MOBP: variants seen among roughly 807,000 people sequenced by gnomAD.
MOBP encodes myelin associated oligodendrocyte basic protein.
MOBP carries 5 observed loss-of-function variants against 15.0 expected under a neutral mutation model. That is an observed-to-expected ratio of 0.33 (90% CI 0.17 to 0.70). MOBP has a LOEUF of 0.70. MOBP is among the 30% of genes least tolerant of loss of function. The pLI, the probability that MOBP is intolerant of heterozygous loss-of-function variation, is 0.67. For synonymous variants in MOBP, 88 were observed against 99.0 expected (o/e 0.89, Z 0.66); for missense variants, 188 against 257.8 (o/e 0.73, Z 1.85).
chr3:39,486,848 T>C (rs2042717490), intron 2 of MOBP, among the ~76,000 whole-genome samples: 1 of 152,186 alleles, frequency 6.6e-6, no homozygotes, highest in East Asian at 1.9e-4. Flanking sequence ...ATAGGAATTA[T>C]TTGTATATTA....
chr3:39,502,977 T>C lies in MOBP; in HGVS notation c.*97T>C. On this transcript the variant is annotated 3_prime_UTR_variant, in exon 4 of 4. Transcript: ENST00000684792. This position sits in a 1 kb window ranked among gnomAD's most constrained non-coding sequence, Gnocchi z 6.3. ...GTCTCCATGGCCCTCTTCAGCCTTA[T>C]TACCCAACCTGTGTAATCAGCTCCC... The C allele has an allele frequency of 1.6e-6, 1 of 622,122 alleles. No individual in the cohort carries two copies. Among genetic ancestry groups the C allele is most frequent in the Non-Finnish European group, 2.8e-6 (1 of 360,360 alleles). 38.5% of individuals were successfully genotyped at this position (622,122 alleles called of 1,614,324 possible).
intron 2 of MOBP, among the ~76,000 whole-genome samples, chr3:39,489,519 A>G (rs944376860): frequency 2.0e-5 from 3 of 152,188 alleles, no homozygotes; most frequent in African/African-American, 7.2e-5. Flanking sequence ...GACTGATATC[A>G]TCTGCCTTTC....
intron 1 of MOBP, among the ~76,000 whole-genome samples, chr3:39,475,445 A>G (rs942678818): frequency 1.3e-5 from 2 of 152,188 alleles, no homozygotes; most frequent in African/African-American, 4.8e-5. Context: ...ACTTTCACCT[A>G]CTAATTTTAG....
intron 2 of MOBP, among the ~76,000 whole-genome samples, chr3:39,494,796 C>CCGA (rs1553618302): frequency 1.3e-4 from 15 of 117,464 alleles, no homozygotes; most frequent in African/African-American, 4.5e-4. Flanking sequence ...CCCCCCGCCC[C>CCGA]CCGAGTTACG....
downstream of MOBP, among the ~76,000 whole-genome samples, chr3:39,503,298 A>G (rs951394262): frequency 3.3e-5 from 5 of 152,186 alleles, no homozygotes; most frequent in African/African-American, 1.2e-4. Context: ...TCTGATGTCA[A>G]TCTCAGTGGC....
chr3:39,491,968 C>A (rs1344410847), intron 2 of MOBP, among the ~76,000 whole-genome samples: 1 of 152,120 alleles, frequency 6.6e-6, no homozygotes, highest in Non-Finnish European at 1.5e-5. Flanking sequence ...GTAGTGGGGG[C>A]CCTGCAAGCC....
At chr3:39,500,876 A>G (rs1371642805) in intron 2 of MOBP, among the ~76,000 whole-genome samples, 1 of 152,238 alleles carries the variant, frequency 6.6e-6, no homozygotes, top group Non-Finnish European at 1.5e-5. Context: ...TTAATTACAT[A>G]AAACTATTTT....
intron 2 of MOBP, among the ~76,000 whole-genome samples, chr3:39,496,956 C>T (rs994354810): frequency 6.6e-6 from 1 of 152,168 alleles, no homozygotes; most frequent in African/African-American, 2.4e-5. Context: ...AGCCACCTCG[C>T]CCGGCCTGGC....
downstream of MOBP, among the ~76,000 whole-genome samples, chr3:39,507,337 T>A (rs1221307794): frequency 6.6e-6 from 1 of 152,180 alleles, no homozygotes; most frequent in African/African-American, 2.4e-5. Context: ...AACTTCCAAT[T>A]TTCCCCTGCA....
downstream of MOBP, among the ~76,000 whole-genome samples, chr3:39,505,511 C>T (rs115021197): frequency 6.6e-6 from 1 of 152,220 alleles, no homozygotes; most frequent in African/African-American, 2.4e-5. Flanking sequence ...GAATTTTGCC[C>T]TATCTGTGGC....
rs201745748 is a variant in MOBP, at chr3:39,469,249, CAT to C, written c.-89+1514_-89+1515del. 1.6e-3 allele frequency among the ~76,000 whole-genome samples: 216 copies of C among 138,116 alleles called. 6 individuals are homozygous for C. The highest frequency in any genetic ancestry group is 0.011 in the East Asian group (51 of 4,804). The allele number at this position is 138,116 out of a possible 152,430, so 90.6% of individuals were successfully genotyped here. A position where few individuals can be genotyped will look rare whatever the true frequency, so the allele number is the denominator to read the frequency against. On this transcript the variant is annotated intron_variant, in intron 1 of 3. Coordinates refer to ENST00000684792, the MANE Select transcript of MOBP (RefSeq NM_001393704.1). ...ATATACATATGTGTGTGTATATATA[CAT>C]ATATGTGTGTGTATATGTATAGATA...
intron 1 of MOBP, among the ~76,000 whole-genome samples, chr3:39,472,152 GA>G (rs1392867950): frequency 6.6e-6 from 1 of 152,220 alleles, no homozygotes. Context: ...TAGAGGCTTT[GA>G]CTTCCCAGCA....
rs1559412059 is a variant in MOBP at position 39,469,097 on chromosome 3, CATAT to C, written c.-89+1358_-89+1361del. ...ATGTGTGTGTGTATATACATATATA[CATAT>C]GTGTGTGTATATATACATATATACA... On this transcript the variant is annotated intron_variant, in intron 1 of 3. Transcript: ENST00000684792. 4.4e-4 allele frequency among the ~76,000 whole-genome samples: 19 copies of C among 43,104 alleles called. 5 individuals carry two copies. The highest frequency in any genetic ancestry group is 2.2e-3 in the African/African-American group (10 of 4,494). The allele number at this position is 43,104 out of a possible 152,430, so 28.3% of individuals were successfully genotyped here. A position where few individuals can be genotyped will look rare whatever the true frequency, so the allele number is the denominator to read the frequency against.
chr3:39,484,223 G>A (rs1259828441), intron 2 of MOBP, among the ~76,000 whole-genome samples: 1 of 152,156 alleles, frequency 6.6e-6, no homozygotes, highest in Non-Finnish European at 1.5e-5. Context: ...GACATGATAG[G>A]GAAAAGGCAT....
At chr3:39,475,636 T>G (rs1347879381) in intron 1 of MOBP, among the ~76,000 whole-genome samples, 1 of 152,226 alleles carries the variant, frequency 6.6e-6, no homozygotes, top group Non-Finnish European at 1.5e-5. Flanking sequence ...CCCAACAATA[T>G]TTATTTTATT....
At chr3:39,521,585 G>A (rs2043267728) in intron 3 of MOBP, among the ~76,000 whole-genome samples, 1 of 152,150 alleles carries the variant, frequency 6.6e-6, no homozygotes, top group South Asian at 2.1e-4. Context: ...AAATGAAAGT[G>A]TCTGCTCCTA....
downstream of MOBP, among the ~76,000 whole-genome samples, chr3:39,507,374 T>C (rs574398404): frequency 1.3e-5 from 2 of 152,156 alleles, no homozygotes; most frequent in Non-Finnish European, 2.9e-5. Context: ...TTTGACTTTC[T>C]GATGGGAAGG....
chr3:39,518,918 C>T (rs530636488), downstream of MOBP, among the ~76,000 whole-genome samples: 28 of 152,318 alleles, frequency 1.8e-4, 1 homozygote, highest in South Asian at 5.8e-3. Flanking sequence ...GGGATTAGAA[C>T]ACCTCAGCAC....
At chr3:39,492,342 A>G (rs2042809429) in intron 2 of MOBP, among the ~76,000 whole-genome samples, 1 of 152,108 alleles carries the variant, frequency 6.6e-6, no homozygotes, top group Non-Finnish European at 1.5e-5. Context: ...GAAGATACTC[A>G]GGTTTTTCAT....
Sources: gnomAD v4.1 joint callset for allele counts (sites outside exome capture counted in the v4.1 genomes callset) on GRCh38, gnomAD v4.1.1 for gene constraint, Gnocchi (gnomAD v3.1) non-coding constraint, MANE v1.5 for transcripts, NCBI Gene and HGNC (gene_info 2026-07-23, HGNC 2026-07-21) for gene names.